Variants in RANBP2 observed in about 807,000 individuals in gnomAD.
RANBP2 encodes the protein RAN binding protein 2.
A neutral mutation model predicts 303.6 loss-of-function variants in RANBP2; 57 were observed. The ratio of observed to expected loss-of-function variants is 0.19; its 90% CI spans 0.15 to 0.23. RANBP2 has a LOEUF of 0.23. RANBP2 is among the 10% of genes least tolerant of loss of function. RANBP2 has a pLI of 1.00. For synonymous variants in RANBP2, 1,167 were observed against 1,301.5 expected (o/e 0.90, Z 2.23); for missense variants, 3,138 against 3,780.8 (o/e 0.83, Z 4.46).
At chr2:109,503,315 T>C in the RANBP2 span, 1 of 152,112 alleles carries the variant, frequency 6.6e-6, no homozygotes, top group Non-Finnish European at 1.5e-5. Context: ...ATTCCAGAAA[T>C]ACATTCTTTT....
At chr2:109,244,986 T>A in the RANBP2 span, among the ~76,000 whole-genome samples, 60 of 152,334 alleles carry the variant, frequency 3.9e-4, no homozygotes, top group African/African-American at 1.3e-3. Context: ...TGGAGAACTG[T>A]GAGTACAGTT....
the RANBP2 span, among the ~76,000 whole-genome samples, chr2:108,924,765 A>G: frequency 6.6e-6 from 1 of 152,232 alleles, no homozygotes; most frequent in East Asian, 1.9e-4. Flanking sequence ...CCTCCCAGAG[A>G]AGCCACGACA....
chr2:109,344,326 C>G, the RANBP2 span, among the ~76,000 whole-genome samples: 1 of 152,072 alleles, frequency 6.6e-6, no homozygotes, highest in Non-Finnish European at 1.5e-5. Context: ...GACGGGGGAG[C>G]AGTGTGGATT....
chr2:109,565,732 C>T, the RANBP2 span: 1 of 1,519,166 alleles, frequency 6.6e-7, no homozygotes, highest in East Asian at 2.3e-5. Context: ...TAGATAGATA[C>T]ATATTTCTAG....
chr2:109,585,346 T>C, the RANBP2 span: 9 of 1,542,080 alleles, frequency 5.8e-6, no homozygotes, highest in South Asian at 1.2e-5. Flanking sequence ...GGTACATCTT[T>C]ATGGTTGCAT....
the RANBP2 span, among the ~76,000 whole-genome samples, chr2:109,679,571 T>C: frequency 2.6e-4 from 40 of 152,318 alleles, no homozygotes; most frequent in Middle Eastern, 0.01. Context: ...GGCATGACCC[T>C]AAGGCTCTCC....
chr2:109,170,369 C>A, the RANBP2 span, among the ~76,000 whole-genome samples: 3 of 149,212 alleles, frequency 2.0e-5, no homozygotes, highest in Admixed American at 2.0e-4. Flanking sequence ...CTTTTTTGAC[C>A]ACATCTTGTT....
At chr2:109,505,517 A>C in the RANBP2 span, among the ~76,000 whole-genome samples, 1 of 152,038 alleles carries the variant, frequency 6.6e-6, no homozygotes, top group African/African-American at 2.4e-5. Flanking sequence ...AAATAAAATA[A>C]TTTTTTTTAA....
the RANBP2 span, among the ~76,000 whole-genome samples, chr2:109,166,399 C>T: frequency 1.8e-4 from 26 of 146,474 alleles, no homozygotes; most frequent in Non-Finnish European, 3.6e-4. Flanking sequence ...ATCACTTGAA[C>T]GTGGGAGGCG....
the RANBP2 span, chr2:108,929,375 C>T: frequency 6.2e-7 from 1 of 1,614,066 alleles, no homozygotes; most frequent in Non-Finnish European, 8.5e-7. Flanking sequence ...GCCGTAGCCA[C>T]AGGACTGTCC....
chr2:108,939,702 A>G, the RANBP2 span, among the ~76,000 whole-genome samples: 1 of 152,336 alleles, frequency 6.6e-6, no homozygotes, highest in Admixed American at 6.5e-5. Flanking sequence ...GCTTAACTGC[A>G]TTCTGATAAA....
chr2:109,283,684 C>T, the RANBP2 span, among the ~76,000 whole-genome samples: 1 of 152,160 alleles, frequency 6.6e-6, no homozygotes, highest in Non-Finnish European at 1.5e-5. Flanking sequence ...GACAGTAGCC[C>T]CCTTTTGTGG....
At chr2:109,460,229 T>C in the RANBP2 span, among the ~76,000 whole-genome samples, 1 of 152,190 alleles carries the variant, frequency 6.6e-6, no homozygotes, top group Non-Finnish European at 1.5e-5. Context: ...GCAGAAGCAT[T>C]GTGTGTAGGG....
the RANBP2 span, among the ~76,000 whole-genome samples, chr2:109,286,416 A>G: frequency 1.3e-5 from 2 of 152,318 alleles, no homozygotes; most frequent in Non-Finnish European, 2.9e-5. Context: ...CCAGAGGGGC[A>G]AAGGGCATGG....
chr2:109,342,140 G>A, the RANBP2 span, among the ~76,000 whole-genome samples: 1 of 152,184 alleles, frequency 6.6e-6, no homozygotes, highest in Admixed American at 6.5e-5. Flanking sequence ...CTATAACTCT[G>A]GGCCTTTGCA....
At chr2:109,086,154 C>A in the RANBP2 span, among the ~76,000 whole-genome samples, 1 of 152,156 alleles carries the variant, frequency 6.6e-6, no homozygotes, top group African/African-American at 2.4e-5. Context: ...GCATGTAGCA[C>A]GTTTTGCTTA....
chr2:109,307,424 T>TA, the RANBP2 span, among the ~76,000 whole-genome samples: 2 of 132,066 alleles, frequency 1.5e-5, no homozygotes, highest in African/African-American at 7.1e-5. Flanking sequence ...AGATGCACTT[T>TA]TTTTTTTTAT....
At chr2:109,613,894 G>A in the RANBP2 span, 53 of 1,229,510 alleles carry the variant, frequency 4.3e-5, no homozygotes, top group Non-Finnish European at 5.2e-5. Flanking sequence ...TCCCGGCGAC[G>A]GCGGCGGGAA....
chr2:108,907,822 C>A, the RANBP2 span: 9 of 1,610,912 alleles, frequency 5.6e-6, no homozygotes, highest in Middle Eastern at 5.0e-4. Context: ...GAGGGAGCCA[C>A]ATCTCACAGC....
Sources: allele counts gnomAD v4.1 joint callset (sites outside exome capture counted in the v4.1 genomes callset), GRCh38; gene constraint gnomAD v4.1.1; transcripts MANE v1.5; gene names NCBI Gene and HGNC (gene_info 2026-07-23, HGNC 2026-07-21).